FAM83H: variants seen among roughly 807,000 people sequenced by gnomAD.
FAM83H encodes protein FAM83H.
Under a neutral mutation model 30.2 loss-of-function variants are expected in FAM83H, and 24 were observed. The ratio of observed to expected loss-of-function variants is 0.79; its 90% CI spans 0.57 to 1.12. The LOEUF is 1.12. Ranked by LOEUF, FAM83H falls within the 50% of genes most tolerant of loss-of-function variation. The pLI is 0.00. For synonymous variants in FAM83H, 1,013 were observed against 821.7 expected (o/e 1.23, Z -3.98); for missense variants, 2,038 against 1,773.9 (o/e 1.15, Z -2.67).
Position 143,728,513 on chromosome 8 carries a change from C to G in FAM83H, c.948G>C (p.Ala316=), listed in dbSNP as rs1030646604. ...GPLVGVPGVG[A]PTPFSFPKRA... The stretch of plus-strand genomic sequence containing the variant: ...GTTTAGGGAAGGAGAAGGGGGTTGG[C>G]GCCCCGACCCCAGGGACGCCCACGA... Residue 316 remains alanine (A), a synonymous_variant, in exon 5 of 5, where the codon GCG becomes GCC. Transcript: ENST00000388913. The G allele has an allele frequency of 2.6e-6, 4 of 1,557,878 alleles. No homozygotes were observed. Among genetic ancestry groups the G allele is most frequent in the Non-Finnish European group, 2.6e-6 (3 of 1,151,054 alleles).
chr8:143,725,660 A>C lies in FAM83H; in HGVS notation c.*261T>G. 1.7e-6 allele frequency: 1 copy of C among 592,794 alleles called. No individual in the cohort carries two copies. The highest frequency in any genetic ancestry group is 3.0e-6 in the Non-Finnish European group (1 of 334,220). The allele number at this position is 592,794 out of a possible 1,614,324, so 36.7% of individuals were successfully genotyped here. A position where few individuals can be genotyped will look rare whatever the true frequency, so the allele number is the denominator to read the frequency against. ...CTGCGCCACGCAAGGCTGACGGTGCAGAGATGAAGGTGCTGAGGGGAGAAA... is the reference window on the plus strand; with the variant it reads ...CTGCGCCACGCAAGGCTGACGGTGCCGAGATGAAGGTGCTGAGGGGAGAAA... On this transcript the variant is annotated 3_prime_UTR_variant, in exon 5 of 5. Transcript: ENST00000388913.
rs535819653 is a variant in FAM83H at position 143,726,274 on chromosome 8, C to T, written c.3187G>A (p.Gly1063Ser). 1.2e-5 allele frequency: 19 copies of T among 1,612,100 alleles called. No homozygotes were observed. The highest frequency in any genetic ancestry group is 3.3e-5 in the South Asian group (3 of 91,010). Residue 1063 changes from glycine to serine, a missense_variant, in exon 5 of 5, where the codon GGC becomes AGC. Coordinates refer to ENST00000388913, the MANE Select transcript of FAM83H (RefSeq NM_198488.5). ...AGCTCGGGGCTGTTGTGGGTCGGGC[C>T]GGGGCTCGGGGCAGGGACCGCACGG... ...KHRAVPAPSPGPTHNSPELGR... is the reference protein window; with the variant it reads ...KHRAVPAPSPSPTHNSPELGR...
chr8:143,726,463 G>A lies in FAM83H; in HGVS notation c.2998C>T (p.Arg1000Trp), dbSNP rs542994892. ...TCACCCTGGCCCAGTGACAGACGCCGCGGGCTCTCGGGTTGGCCGTTCTCC... is the reference window on the plus strand; with the variant it reads ...TCACCCTGGCCCAGTGACAGACGCCACGGGCTCTCGGGTTGGCCGTTCTCC... ...PQENGQPESP[R>W]RLSLGQGDST... The change falls in exon 5 of 5, where the codon CGG becomes TGG. Residue 1000 changes from arginine to tryptophan, a missense_variant. Coordinates refer to ENST00000388913, the MANE Select transcript of FAM83H (RefSeq NM_198488.5). 6.2e-6 allele frequency: 10 copies of A among 1,602,928 alleles called. No individual in the cohort carries two copies. In the Admixed American group the frequency reaches 8.4e-5, roughly 13 times the overall value.
rs1240178858 is a variant in FAM83H, at chr8:143,726,008, C to A, written c.3453G>T (p.Gly1151=). The A allele has an allele frequency of 6.8e-6, 11 of 1,612,894 alleles. No individual in the cohort carries two copies. The highest frequency in any genetic ancestry group is 9.3e-6 in the Non-Finnish European group (11 of 1,179,932). ...KKEEASSPGA[G]EGPAEEGTRD... ...TGGTGCCCTCCTCCGCGGGGCCTTC[C>A]CCTGCCCCAGGGCTGCTGGCCTCCT... The change falls in exon 5 of 5, where the codon GGG becomes GGT. Residue 1151 remains glycine (G), a synonymous_variant. Transcript: ENST00000388913.
At position 143,727,261 on chromosome 8, in the gene FAM83H, C is replaced by A; in HGVS notation, c.2200G>T (p.Val734Leu). The A allele has an allele frequency of 2.0e-6, 3 of 1,535,386 alleles. No individual in the cohort carries two copies. The highest frequency in any genetic ancestry group is 1.7e-6 in the Non-Finnish European group (2 of 1,146,482). Reference sequence around the variant, plus strand: ...TTGTACTTCTCCAGCAGCTCCGCCACCTTGGTGGAAGCCGCGGAGCGCACG... The same window carrying A: ...TTGTACTTCTCCAGCAGCTCCGCCAACTTGGTGGAAGCCGCGGAGCGCACG... ...EAVRSAASTK[V>L]AELLEKYKGP... The change falls in exon 5 of 5, where the codon GTG becomes TTG. Residue 734 changes from valine to leucine, a missense_variant. Coordinates refer to ENST00000388913, the MANE Select transcript of FAM83H (RefSeq NM_198488.5).
In FAM83H at chr8:143,727,122, C is replaced by T. The variant is rs1202178172; in HGVS notation, c.2339G>A (p.Gly780Glu). The change falls in exon 5 of 5, where the codon GGG becomes GAG. Residue 780 changes from glycine (G) to glutamate (E), a missense_variant. Physicochemically the swap from Gly to Glu is moderately conservative, Grantham distance 98. Transcript: ENST00000388913. ...GCTCTCGAGGCTGCGGCGCTCGCCC[C>T]CCACGGCACCTGGGGCCGCCACCTC... The part of the protein sequence containing the change: ...REEVAAPGAV[G>E]GERRSLESCL... 8 of 1,534,890 alleles carry T rather than the reference C, an allele frequency of 5.2e-6. No homozygotes were observed. In the Admixed American group the frequency reaches 7.8e-5, roughly 15 times the overall value.
chr8:143,732,810 G>C, intron 1 of FAM83H: 1 of 903,306 alleles, frequency 1.1e-6, no homozygotes, highest in Non-Finnish European at 1.3e-6. Flanking sequence ...CTGCCCAAGG[G>C]AGGGAGGGCG....
At position 143,725,628 on chromosome 8, in the gene FAM83H, C is replaced by G. The variant is rs1233966715; in HGVS notation, c.*293G>C. On this transcript the variant is annotated 3_prime_UTR_variant, in exon 5 of 5. Coordinates refer to ENST00000388913, the MANE Select transcript of FAM83H (RefSeq NM_198488.5). ...ACTGAGGCACAAAGAGATGGCGGAGCCAGACGCTGCGCCACGCAAGGCTGA... is the reference window on the plus strand; with the variant it reads ...ACTGAGGCACAAAGAGATGGCGGAGGCAGACGCTGCGCCACGCAAGGCTGA... 1 of 555,180 alleles carries G rather than the reference C, an allele frequency of 1.8e-6. No homozygotes were observed. The highest frequency in any genetic ancestry group is 3.2e-6 in the Non-Finnish European group (1 of 310,968). 34.4% of individuals were successfully genotyped at this position (555,180 alleles called of 1,614,324 possible). A position where few individuals can be genotyped will look rare whatever the true frequency, so the allele number is the denominator to read the frequency against.
In FAM83H at chr8:143,728,483, C is replaced by G. The variant is rs557270131; in HGVS notation, c.978G>C (p.Ala326=). 1.9e-6 allele frequency: 3 copies of G among 1,553,828 alleles called. No homozygotes were observed. The highest frequency in any genetic ancestry group is 2.7e-5 in the African/African-American group (2 of 73,422). Residue 326 remains alanine, a synonymous_variant, in exon 5 of 5, where the codon GCG becomes GCC. Coordinates refer to ENST00000388913, the MANE Select transcript of FAM83H (RefSeq NM_198488.5). Reference sequence around the variant, plus strand: ...CCCGGGGTGGCGGGAACAGGAGGTGCGCTCGTTTAGGGAAGGAGAAGGGGG... The same window carrying G: ...CCCGGGGTGGCGGGAACAGGAGGTGGGCTCGTTTAGGGAAGGAGAAGGGGG... The part of the protein sequence containing the change: ...APTPFSFPKR[A]HLLFPPPREE...
Position 143,728,011 on chromosome 8 carries a change from C to T in FAM83H, c.1450G>A (p.Ala484Thr), listed in dbSNP as rs1359094958. ...CCCAGGGTGAAGTCATCCGGGTCCG[C>T]GAAACCCGCGCGGCCCCCGCGAAGC... Reference protein sequence around the residue: ...EKLRGGRAGFADPDDFTLGAG... With the variant: ...EKLRGGRAGFTDPDDFTLGAG... Residue 484 changes from alanine to threonine, a missense_variant, in exon 5 of 5, where the codon GCG becomes ACG. Ala to Thr is a moderately conservative substitution (Grantham distance 58). Coordinates refer to ENST00000388913, the MANE Select transcript of FAM83H (RefSeq NM_198488.5). 4.4e-6 allele frequency: 7 copies of T among 1,598,908 alleles called. No individual in the cohort carries two copies. The highest frequency in any genetic ancestry group is 1.3e-5 in the African/African-American group (1 of 74,736).
At position 143,729,316 on chromosome 8, in the gene FAM83H, G is replaced by A. The variant is rs1554623808; in HGVS notation, c.455C>T (p.Ala152Val). 1.9e-6 allele frequency: 3 copies of A among 1,613,030 alleles called. No homozygotes were observed. The highest frequency in any genetic ancestry group is 2.2e-5 in the East Asian group (1 of 44,880). Reference sequence around the variant, plus strand: ...ATCAGTGAACATGTCCATCACCACGGCCACCACCTGCAGGGGCGGGTCAGG... The same window carrying A: ...ATCAGTGAACATGTCCATCACCACGACCACCACCTGCAGGGGCGGGTCAGG... ...RMIRSAQQVV[A>V]VVMDMFTDVD... The change falls in exon 3 of 5, where the codon GCC (alanine) becomes GTC (valine). Residue 152 changes from alanine to valine, a missense_variant. Transcript: ENST00000388913.
Position 143,727,070 on chromosome 8 carries a change from A to C in FAM83H, c.2391T>G (p.Phe797Leu), listed in dbSNP as rs782738934. Residue 797 changes from phenylalanine to leucine, a missense_variant, in exon 5 of 5, where the codon TTT becomes TTG. Transcript: ENST00000388913. ...CCGCCTCCTGGTGCAGCTGCTGTGC[A>C]AAGGAGTCGCGCAGGTCCAGCAGGC... ...ESCLLDLRDS[F>L]AQQLHQEAER... is the part of the protein sequence containing the mutation. 3.2e-6 allele frequency: 5 copies of C among 1,547,862 alleles called. No individual in the cohort carries two copies. Among genetic ancestry groups the C allele is most frequent in the Admixed American group, 3.8e-5 (2 of 52,386 alleles).
In FAM83H at chr8:143,725,797, C is replaced by G; in HGVS notation, c.*124G>C. On this transcript the variant is annotated 3_prime_UTR_variant, in exon 5 of 5. Coordinates refer to ENST00000388913, the MANE Select transcript of FAM83H (RefSeq NM_198488.5). ...GAGGTCTGGCGCACTCAGCCAAGCCCCAAGCGGCCGTGGCCTGACAGCCGC... is the reference window on the plus strand; with the variant it reads ...GAGGTCTGGCGCACTCAGCCAAGCCGCAAGCGGCCGTGGCCTGACAGCCGC... The G allele has an allele frequency of 6.6e-7, 1 of 1,513,588 alleles. No homozygotes were observed. Among genetic ancestry groups the G allele is most frequent in the Non-Finnish European group, 8.9e-7 (1 of 1,123,814 alleles). 93.8% of individuals were successfully genotyped at this position (1,513,588 alleles called of 1,614,324 possible). A position where few individuals can be genotyped will look rare whatever the true frequency, so the allele number is the denominator to read the frequency against.
In FAM83H at chr8:143,726,593, G is replaced by A. The variant is rs181099241; in HGVS notation, c.2868C>T (p.Ser956=). ...CTTTGCGCAGGACTTCCATGGGGCC[G>A]CTCGGCCCCTCCTCCGCGGGCCCGG... The part of the protein sequence containing the change: ...PKAGPAEEGP[S]GPMEVLRKGS... The change falls in exon 5 of 5, where the codon AGC becomes AGT. Residue 956 remains serine (S), a synonymous_variant. Transcript: ENST00000388913. The A allele has an allele frequency of 1.9e-4, 311 of 1,601,704 alleles. 1 individual carries two copies. In the African/African-American group the frequency reaches 2.5e-3, roughly 13 times the overall value.
rs1554621945 is a variant in FAM83H, at chr8:143,726,624, G to A, written c.2837C>T (p.Pro946Leu). 2 of 1,599,048 alleles carry A rather than the reference G, an allele frequency of 1.3e-6. No homozygotes were observed. The highest frequency in any genetic ancestry group is 1.7e-6 in the Non-Finnish European group (2 of 1,178,158). Reference sequence around the variant, plus strand: ...CCCCTCCTCCGCGGGCCCGGCCTTCGGGGACTCCCCGGAGATGGTAAGGGT... The same window carrying A: ...CCCCTCCTCCGCGGGCCCGGCCTTCAGGGACTCCCCGGAGATGGTAAGGGT... ...SLTLTISGES[P>L]KAGPAEEGPS... Residue 946 changes from proline to leucine, a missense_variant, in exon 5 of 5, where the codon CCG becomes CTG. Transcript: ENST00000388913.
chr8:143,726,468 C>T lies in FAM83H; in HGVS notation c.2993G>A (p.Ser998Asn), dbSNP rs1308990944. The T allele has an allele frequency of 1.9e-6, 3 of 1,603,502 alleles. No individual in the cohort carries two copies. The highest frequency in any genetic ancestry group is 1.3e-5 in the African/African-American group (1 of 75,008). ...CTGGCCCAGTGACAGACGCCGCGGGCTCTCGGGTTGGCCGTTCTCCTGCGG... is the reference window on the plus strand; with the variant it reads ...CTGGCCCAGTGACAGACGCCGCGGGTTCTCGGGTTGGCCGTTCTCCTGCGG... ...PVPQENGQPESPRRLSLGQGD... is the reference protein window; with the variant it reads ...PVPQENGQPENPRRLSLGQGD... Residue 998 changes from serine to asparagine, a missense_variant, in exon 5 of 5, where the codon AGC (serine) becomes AAC (asparagine). Transcript: ENST00000388913.
At chr8:143,731,150 C>T (rs1818506090) in intron 1 of FAM83H, among the ~76,000 whole-genome samples, 1 of 145,472 alleles carries the variant, frequency 6.9e-6, no homozygotes, top group Non-Finnish European at 1.5e-5. Context: ...TGACTGTTGG[C>T]TTAAAGACAA....
rs960978622 is a variant in FAM83H at position 143,727,216 on chromosome 8, C to A, written c.2245G>T (p.Gly749Cys). 3.3e-6 allele frequency: 5 copies of A among 1,533,654 alleles called. No individual in the cohort carries two copies. The East Asian group carries it at 1.2e-4, about 38-fold the overall frequency. ...ACGGTGATGGCGCCCGCGCCGCCGCCGGGATCACGGGCTGGGCCCTTGTAC... is the reference window on the plus strand; with the variant it reads ...ACGGTGATGGCGCCCGCGCCGCCGCAGGGATCACGGGCTGGGCCCTTGTAC... ...EKYKGPARDP[G>C]GGAGAITVAS... The change falls in exon 5 of 5, where the codon GGC (glycine) becomes TGC (cysteine). Residue 749 changes from glycine to cysteine, a missense_variant. Coordinates refer to ENST00000388913, the MANE Select transcript of FAM83H (RefSeq NM_198488.5).
chr8:143,730,427 T>A lies in FAM83H; in HGVS notation c.156A>T (p.Ala52=). The A allele has an allele frequency of 6.2e-7, 1 of 1,612,786 alleles. No homozygotes were observed. Among genetic ancestry groups the A allele is most frequent in the Non-Finnish European group, 8.5e-7 (1 of 1,180,016 alleles). The change falls in exon 2 of 5, where the codon GCA becomes GCT. Residue 52 remains alanine, a synonymous_variant. Coordinates refer to ENST00000388913, the MANE Select transcript of FAM83H (RefSeq NM_198488.5). ...GCTCTTCAGGGCACAGGAAGTCTGG[T>A]GCCCCCTCGGTAGCGAGGAAGCGGC... The part of the protein sequence containing the change: ...AYSRFLATEG[A]PDFLCPEELE...
Sources: gnomAD v4.1 joint callset for allele counts (sites outside exome capture counted in the v4.1 genomes callset) on GRCh38, gnomAD v4.1.1 for gene constraint, MANE v1.5 for transcripts, NCBI Gene and HGNC (gene_info 2026-07-23, HGNC 2026-07-21) for gene names.